ARNT2: variants seen among roughly 807,000 people sequenced by gnomAD.
ARNT2 encodes the protein ARNT protein 2.
A neutral mutation model predicts 91.7 loss-of-function variants in ARNT2; 36 were observed. The ratio of observed to expected loss-of-function variants is 0.39; its 90% CI spans 0.30 to 0.52. ARNT2 has a LOEUF of 0.52. Among genes scored for constraint, ARNT2 ranks in the 20% least tolerant of loss-of-function variants. ARNT2 has a pLI of 0.72. For missense variants in ARNT2, 775 were observed against 939.3 expected (o/e 0.83, Z 2.29); for synonymous variants, 365 against 347.1 (o/e 1.05, Z -0.57).
chr15:80,552,944 G>A (rs150072223), intron 10 of ARNT2, among the ~76,000 whole-genome samples, 170 bp downstream of exon 10: 6 of 152,314 alleles, frequency 3.9e-5, no homozygotes, highest in East Asian at 1.9e-4. Flanking sequence ...AAGAAAAGAC[G>A]TTGTAAACAC....
chr15:80,465,702 G>C (rs1896642885), intron 3 of ARNT2, among the ~76,000 whole-genome samples: 1 of 152,164 alleles, frequency 6.6e-6, no homozygotes, highest in Non-Finnish European at 1.5e-5. Context: ...GCCCACACCT[G>C]ATCACCCTGA....
At position 80,525,524 on chromosome 15, in the gene ARNT2, CAAAAGGAAGGAAGGAAG is replaced by C. The variant is rs1253965052; in HGVS notation, c.877+11120_877+11136del. Among the ~76,000 whole-genome samples the C allele has an allele frequency of 7.1e-5, 10 of 140,820 alleles. 1 individual carries two copies. 92.4% of individuals were successfully genotyped at this position (140,820 alleles called of 152,430 possible). ...CATGAAGACTGGTTGGATGGATGGA[CAAAAGGAAGGAAGGAAG>C]GGGAGGATGGAAGGAGGGAGGGAGG... On this transcript the variant is annotated intron_variant, in intron 8 of 18. Coordinates refer to ENST00000303329, the MANE Select transcript of ARNT2 (RefSeq NM_014862.4).
intron 13 of ARNT2, 106 bp downstream of exon 13, chr15:80,574,326 C>A: frequency 9.3e-7 from 1 of 1,075,478 alleles, no homozygotes; most frequent in Non-Finnish European, 1.4e-6. Flanking sequence ...AGGATTGCCC[C>A]ATCCCCCCAC....
chr15:80,550,992 A>G, intron 8 of ARNT2: 1 of 544,196 alleles, frequency 1.8e-6, no homozygotes, highest in East Asian at 3.1e-5. Flanking sequence ...GATGGAGATG[A>G]TAATGTACCA....
chr15:80,589,571 C>T (rs913422630), intron 17 of ARNT2, among the ~76,000 whole-genome samples: 2 of 152,206 alleles, frequency 1.3e-5, no homozygotes, highest in East Asian at 3.9e-4. Flanking sequence ...GGCTATGTCC[C>T]TCCACCCTTC....
At chr15:80,509,966 C>A (rs975280010) in intron 6 of ARNT2, among the ~76,000 whole-genome samples, 3 of 152,030 alleles carry the variant, frequency 2.0e-5, no homozygotes, top group African/African-American at 7.3e-5. Flanking sequence ...ATGAGAGGTC[C>A]CTGAAGTTGA....
At chr15:80,526,390 C>A (rs1210977909) in intron 8 of ARNT2, among the ~76,000 whole-genome samples, 1 of 152,198 alleles carries the variant, frequency 6.6e-6, no homozygotes, top group African/African-American at 2.4e-5. Context: ...TGCTTCTACC[C>A]CATTGTTATC....
At chr15:80,508,378 A>G in intron 6 of ARNT2, 120 bp downstream of exon 6, 1 of 881,924 alleles carries the variant, frequency 1.1e-6, no homozygotes. Flanking sequence ...CACTCCAGGG[A>G]CTTCGTCTTC....
chr15:80,549,857 C>T (rs149848328), intron 8 of ARNT2, among the ~76,000 whole-genome samples: 6 of 152,294 alleles, frequency 3.9e-5, no homozygotes, highest in Non-Finnish European at 5.9e-5. Flanking sequence ...GGATCCACTC[C>T]GAAAACGCAC....
At chr15:80,560,443 C>G (rs1362207592) in intron 11 of ARNT2, among the ~76,000 whole-genome samples, 1 of 152,124 alleles carries the variant, frequency 6.6e-6, no homozygotes, top group Non-Finnish European at 1.5e-5. Context: ...AACTTGGACC[C>G]AGGAGGGTGC....
At chr15:80,504,507 G>A (rs150751967) in intron 5 of ARNT2, among the ~76,000 whole-genome samples, 1,266 of 92,460 alleles carry the variant, frequency 0.014, 4 homozygotes, top group South Asian at 0.026. Flanking sequence ...AGTGGCTCAC[G>A]CCTGTAGTCC....
chr15:80,545,449 G>A (rs141668768), intron 8 of ARNT2, among the ~76,000 whole-genome samples: 4 of 152,302 alleles, frequency 2.6e-5, no homozygotes, highest in African/African-American at 9.6e-5. Flanking sequence ...CATGTGTGCT[G>A]GAATGAAGAC....
intron 6 of ARNT2, among the ~76,000 whole-genome samples, chr15:80,509,795 G>A (rs1897317870): frequency 3.9e-5 from 6 of 152,200 alleles, no homozygotes; most frequent in Admixed American, 3.9e-4. Flanking sequence ...CCTGGAGGCA[G>A]GGATGGTCTT....
At chr15:80,493,670 C>T (rs1028332169) in intron 5 of ARNT2, among the ~76,000 whole-genome samples, 1 of 152,162 alleles carries the variant, frequency 6.6e-6, no homozygotes, top group Non-Finnish European at 1.5e-5. Flanking sequence ...AGTTTGGAAA[C>T]TTCTAGTAGG....
intron 1 of ARNT2, chr15:80,443,134 G>A (rs1338894341): frequency 3.2e-6 from 2 of 628,556 alleles, no homozygotes; most frequent in Non-Finnish European, 4.0e-6. Context: ...CTAAATGACT[G>A]TAAGGAACTA....
At chr15:80,523,683 A>G (rs1036085419) in intron 8 of ARNT2, among the ~76,000 whole-genome samples, 5 of 152,156 alleles carry the variant, frequency 3.3e-5, no homozygotes, top group African/African-American at 1.2e-4. Flanking sequence ...TTGATCATGG[A>G]AAGACTCACT....
intron 5 of ARNT2, among the ~76,000 whole-genome samples, chr15:80,486,951 C>T (rs1189764931): frequency 6.6e-6 from 1 of 152,166 alleles, no homozygotes; most frequent in Non-Finnish European, 1.5e-5. Flanking sequence ...TGCTCTATTC[C>T]TCTTCATTTC....
intron 18 of ARNT2, among the ~76,000 whole-genome samples, chr15:80,592,259 G>T (rs1042539360): frequency 6.6e-6 from 1 of 152,190 alleles, no homozygotes; most frequent in South Asian, 2.1e-4. Flanking sequence ...CGTGTCTAAG[G>T]CAGACTGTGT....
At chr15:80,569,108 T>G (rs965882392) in intron 12 of ARNT2, among the ~76,000 whole-genome samples, 3 of 152,186 alleles carry the variant, frequency 2.0e-5, no homozygotes, top group Non-Finnish European at 4.4e-5. Flanking sequence ...CGCCTCCCAG[T>G]GTGCTTCCAG....
Sources: gnomAD v4.1 joint callset for allele counts (sites outside exome capture counted in the v4.1 genomes callset) on GRCh38, gnomAD v4.1.1 for gene constraint, MANE v1.5 for transcripts, NCBI Gene and HGNC (gene_info 2026-07-23, HGNC 2026-07-21) for gene names.